ZMYND8: variants seen among roughly 807,000 people sequenced by gnomAD.
ZMYND8 encodes zinc finger MYND-type containing 8, also known as MYND-type zinc finger-containing chromatin reader ZMYND8.
ZMYND8 carries 37 observed loss-of-function variants against 140.8 expected under a neutral mutation model. That is an observed-to-expected ratio of 0.26 (90% confidence interval 0.20 to 0.35). The LOEUF (loss-of-function observed/expected upper bound fraction) is 0.35, where lower values mean the gene tolerates loss of function less well. Among genes scored for constraint, ZMYND8 ranks in the 10% least tolerant of loss-of-function variants. The probability of loss-of-function intolerance (pLI) is 1.00; values close to 1 mark genes in which losing one functional copy is unlikely to be tolerated. For missense variants in ZMYND8, 1,068 were observed against 1,570.0 expected (o/e 0.68, Z 5.40); for synonymous variants, 592 against 597.1 (o/e 0.99, Z 0.12).
At chr20:47,280,121 C>T (rs902794217) in intron 10 of ZMYND8, among the ~76,000 whole-genome samples, 1 of 123,486 alleles carries the variant, frequency 8.1e-6, no homozygotes, top group Non-Finnish European at 1.7e-5. Context: ...CAAGACTCTG[C>T]TCCAAAAAAA....
chr20:47,231,690 G>A (rs758729038), intron 16 of ZMYND8, among the ~76,000 whole-genome samples: 6 of 152,224 alleles, frequency 3.9e-5, no homozygotes, highest in South Asian at 2.1e-4. Flanking sequence ...ACACCAGGCC[G>A]TTGCCAGCAA....
intron 3 of ZMYND8, among the ~76,000 whole-genome samples, chr20:47,299,698 C>T (rs930244755): frequency 6.6e-6 from 1 of 152,168 alleles, no homozygotes; most frequent in Non-Finnish European, 1.5e-5. Context: ...ATTCTCCTGC[C>T]TCAGCCTCCT....
At chr20:47,349,724 T>C in intron 1 of ZMYND8, 2 of 1,246,446 alleles carry the variant, frequency 1.6e-6, no homozygotes, top group Non-Finnish European at 2.2e-6. Flanking sequence ...CTCTCTAGCA[T>C]GAAGTATGTG....
At chr20:47,316,880 T>C (rs1183813860) in intron 2 of ZMYND8, among the ~76,000 whole-genome samples, 1 of 152,084 alleles carries the variant, frequency 6.6e-6, no homozygotes, top group Non-Finnish European at 1.5e-5. Context: ...TTTCCTGTAG[T>C]CCCCACTAAG....
chr20:47,332,768 A>G (rs559425767), intron 2 of ZMYND8, among the ~76,000 whole-genome samples: 1 of 152,286 alleles, frequency 6.6e-6, no homozygotes, highest in East Asian at 1.9e-4. Context: ...CAAAAGGTTA[A>G]TAGTTACCCT....
intron 11 of ZMYND8, among the ~76,000 whole-genome samples, chr20:47,270,373 CAAAAA>C (rs10659368): frequency 4.3e-5 from 2 of 46,474 alleles, no homozygotes; most frequent in Non-Finnish European, 8.4e-5. Context: ...AACTCCATCT[CAAAAA>C]AAAAAAAAAA....
intron 8 of ZMYND8, among the ~76,000 whole-genome samples, 198 bp downstream of exon 8, chr20:47,287,031 T>C (rs542051211): frequency 2.6e-5 from 4 of 152,196 alleles, no homozygotes; most frequent in African/African-American, 4.8e-5. Flanking sequence ...CCTTAGATCA[T>C]TGCTACAGTA....
chr20:47,228,079 C>T (rs1174182620), intron 17 of ZMYND8, among the ~76,000 whole-genome samples: 2 of 143,304 alleles, frequency 1.4e-5, no homozygotes, highest in Non-Finnish European at 3.0e-5. Flanking sequence ...GGTGACAGAG[C>T]GAGACTCTTC....
intron 12 of ZMYND8, 152 bp from the exon 13 acceptor site, chr20:47,249,591 C>T: frequency 9.2e-7 from 1 of 1,091,244 alleles, no homozygotes; most frequent in Non-Finnish European, 1.3e-6. Flanking sequence ...ATATCATCTG[C>T]TCAACCAAAT....
At chr20:47,332,800 T>C (rs1219922866) in intron 2 of ZMYND8, among the ~76,000 whole-genome samples, 2 of 152,210 alleles carry the variant, frequency 1.3e-5, no homozygotes, top group African/African-American at 4.8e-5. Flanking sequence ...ATTTCACTCC[T>C]AAATCTATAC....
intron 1 of ZMYND8, chr20:47,351,961 G>C (rs1400068455): frequency 2.0e-6 from 2 of 985,310 alleles, no homozygotes; most frequent in African/African-American, 3.5e-5. Context: ...ATGACAGGGA[G>C]AGTTTGTGAA....
At chr20:47,238,474 C>T in intron 15 of ZMYND8, 1 of 505,270 alleles carries the variant, frequency 2.0e-6, no homozygotes, top group African/African-American at 1.9e-5. Flanking sequence ...GGAAGGTAAA[C>T]GGGATAACAG....
At chr20:47,349,776 T>C (rs144177012) in intron 1 of ZMYND8, 179 of 1,508,050 alleles carry the variant, frequency 1.2e-4, no homozygotes, top group Non-Finnish European at 1.5e-4. Context: ...TTTTGAGTAA[T>C]AGAGAAAACG....
chr20:47,334,093 A>G (rs2081195412), intron 2 of ZMYND8, among the ~76,000 whole-genome samples: 1 of 152,206 alleles, frequency 6.6e-6, no homozygotes, highest in Non-Finnish European at 1.5e-5. Context: ...CCTATTGTAT[A>G]ATAGTGTTGA....
chr20:47,257,909 G>C (rs950172659), intron 12 of ZMYND8, among the ~76,000 whole-genome samples: 1 of 152,134 alleles, frequency 6.6e-6, no homozygotes, highest in Non-Finnish European at 1.5e-5. Context: ...CCAGGCTGGA[G>C]TGCAGTGATG....
chr20:47,278,806 T>C lies in ZMYND8; in HGVS notation c.999-2011A>G, dbSNP rs113764885. 2.5e-3 allele frequency among the ~76,000 whole-genome samples: 372 copies of C among 151,140 alleles called. 1 individual carries two copies. Among genetic ancestry groups the C allele is most frequent in the Non-Finnish European group, 3.5e-3 (237 of 67,710 alleles). ...AAGCCAGATGCTCTCAAGGTAAGAG[T>C]TTGCCTCACGGTGAGATTCTGCGTT... is the stretch of plus-strand genomic sequence containing the variant. On this transcript the variant is annotated intron_variant, in intron 10 of 22. Coordinates refer to ENST00000471951, the MANE Select transcript of ZMYND8 (RefSeq NM_001281775.3).
intron 2 of ZMYND8, among the ~76,000 whole-genome samples, chr20:47,322,244 A>G (rs1276356608): frequency 6.6e-6 from 1 of 152,092 alleles, no homozygotes; most frequent in African/African-American, 2.4e-5. Flanking sequence ...AATGATTGAG[A>G]AACTGATTAC....
chr20:47,318,723 C>T (rs1286973813), intron 2 of ZMYND8: 1 of 460,504 alleles, frequency 2.2e-6, no homozygotes, highest in Non-Finnish European at 4.3e-6. Flanking sequence ...CCGGGCTGAG[C>T]CCTCTCCTCC....
intron 2 of ZMYND8, among the ~76,000 whole-genome samples, chr20:47,343,880 C>T (rs1421721809): frequency 6.6e-6 from 1 of 151,392 alleles, no homozygotes; most frequent in Admixed American, 6.6e-5. Context: ...TGCCTTGTGA[C>T]TTCCTTCCAA....
Sources: gnomAD v4.1 joint callset for allele counts (sites outside exome capture counted in the v4.1 genomes callset) on GRCh38, gnomAD v4.1.1 for gene constraint, MANE v1.5 for transcripts, NCBI Gene and HGNC (gene_info 2026-07-23, HGNC 2026-07-21) for gene names.